Variants in ASTN2 observed in about 807,000 individuals in gnomAD.
ASTN2 encodes the protein astrotactin-2.
Under a neutral mutation model 139.8 loss-of-function variants are expected in ASTN2, and 54 were observed. The observed-to-expected ratio is 0.39, with a 90% CI of 0.31 to 0.48. ASTN2 has a LOEUF of 0.48. ASTN2 is among the 20% of genes least tolerant of loss of function. The pLI is 0.95. For synonymous variants in ASTN2, 756 were observed against 719.5 expected (o/e 1.05, Z -0.81); for missense variants, 1,565 against 1,725.1 (o/e 0.91, Z 1.64).
At chr9:117,258,738 C>T (rs1281662312) in intron 2 of ASTN2, among the ~76,000 whole-genome samples, 1 of 152,158 alleles carries the variant, frequency 6.6e-6, no homozygotes, top group African/African-American at 2.4e-5. Flanking sequence ...CTAAAACATG[C>T]TGTGCCCTTG....
intron 19 of ASTN2, among the ~76,000 whole-genome samples, chr9:116,555,522 G>A (rs944357589): frequency 1.3e-5 from 2 of 152,000 alleles, no homozygotes; most frequent in South Asian, 2.1e-4. Context: ...GACTCTGTGC[G>A]GTCCACCTCC....
chr9:116,482,039 C>T (rs1234322534), intron 20 of ASTN2, among the ~76,000 whole-genome samples: 2 of 152,154 alleles, frequency 1.3e-5, no homozygotes, highest in African/African-American at 4.8e-5. Context: ...AAAAATAACA[C>T]TACCCGGCCG....
intron 16 of ASTN2, chr9:116,686,851 T>A (rs1380642788): frequency 1.3e-6 from 2 of 1,549,382 alleles, no homozygotes; most frequent in South Asian, 2.4e-5. Context: ...GCACAGAACA[T>A]GAGGCCAAAG....
intron 2 of ASTN2, among the ~76,000 whole-genome samples, chr9:117,237,357 G>A (rs1039088963): frequency 6.6e-6 from 1 of 152,142 alleles, no homozygotes; most frequent in Admixed American, 6.5e-5. Flanking sequence ...AAGCCTTTGG[G>A]ACCTCCCCAT....
intron 4 of ASTN2, among the ~76,000 whole-genome samples, chr9:117,132,411 T>C (rs1211347150): frequency 8.4e-6 from 1 of 118,538 alleles, no homozygotes; most frequent in East Asian, 2.8e-4. Flanking sequence ...ATAGCATTAT[T>C]ACCATTCTAC....
intron 2 of ASTN2, among the ~76,000 whole-genome samples, chr9:117,239,618 A>C (rs557576805): frequency 6.6e-6 from 1 of 152,324 alleles, no homozygotes; most frequent in African/African-American, 2.4e-5. Context: ...CATTAGCCCA[A>C]GCAATGCAGA....
At chr9:116,789,920 C>CTTTTTTTTTT (rs57433960) in intron 13 of ASTN2, among the ~76,000 whole-genome samples, 2 of 93,336 alleles carry the variant, frequency 2.1e-5, no homozygotes, top group East Asian at 2.9e-4. Context: ...TTCTCTTTCT[C>CTTTTTTTTTT]TTTTTTTTTT....
chr9:117,216,872 T>G (rs981389147), intron 2 of ASTN2, among the ~76,000 whole-genome samples: 2 of 152,180 alleles, frequency 1.3e-5, no homozygotes, highest in Admixed American at 6.5e-5. Flanking sequence ...CTTAACACCT[T>G]TACTGAATGT....
chr9:116,662,265 T>C (rs911026302), intron 16 of ASTN2, among the ~76,000 whole-genome samples: 21 of 152,104 alleles, frequency 1.4e-4, no homozygotes, highest in African/African-American at 5.1e-4. Flanking sequence ...ACCGACAATA[T>C]AAAGTTGTTG....
chr9:117,053,020 G>T (rs1356872194), intron 5 of ASTN2, among the ~76,000 whole-genome samples: 3 of 152,204 alleles, frequency 2.0e-5, no homozygotes, highest in African/African-American at 7.2e-5. Context: ...CCTCTTGATA[G>T]GGTTGTCTTC....
At chr9:116,880,588 C>T (rs937038804) in intron 10 of ASTN2, among the ~76,000 whole-genome samples, 5 of 152,216 alleles carry the variant, frequency 3.3e-5, no homozygotes, top group Admixed American at 2.6e-4. Context: ...GTTTCCTCAT[C>T]TGTGAACAAG....
At chr9:117,403,214 G>C (rs2130965347) in intron 1 of ASTN2, among the ~76,000 whole-genome samples, 1 of 152,308 alleles carries the variant, frequency 6.6e-6, no homozygotes, top group African/African-American at 2.4e-5. Context: ...CTAACTTGAG[G>C]AAAGCCTGGG....
chr9:116,997,384 G>C (rs1173940395), intron 7 of ASTN2, among the ~76,000 whole-genome samples: 2 of 152,088 alleles, frequency 1.3e-5, no homozygotes, highest in Admixed American at 6.6e-5. Context: ...GAGATAAAAA[G>C]TAGTTTCCCT....
chr9:116,827,368 TAAGCAGGAG>T (rs1564289050), intron 11 of ASTN2, among the ~76,000 whole-genome samples: 1 of 145,308 alleles, frequency 6.9e-6, no homozygotes, highest in East Asian at 2.0e-4. Flanking sequence ...ACACCCAAAG[TAAGCAGGAG>T]AAAAGAAATA....
intron 1 of ASTN2, among the ~76,000 whole-genome samples, chr9:117,331,321 T>C (rs1828700447): frequency 6.6e-6 from 1 of 152,124 alleles, no homozygotes; most frequent in Non-Finnish European, 1.5e-5. Context: ...TGAAGGTCAC[T>C]AACCAATGCC....
At chr9:116,429,507 C>T (rs924261784) in intron 22 of ASTN2, among the ~76,000 whole-genome samples, 2 of 152,134 alleles carry the variant, frequency 1.3e-5, no homozygotes, top group African/African-American at 4.8e-5. Context: ...TGGCTCACCT[C>T]ATAAAGTTAT....
chr9:116,565,746 G>A (rs544426453), intron 19 of ASTN2, among the ~76,000 whole-genome samples: 10 of 152,110 alleles, frequency 6.6e-5, no homozygotes, highest in African/African-American at 1.9e-4. Flanking sequence ...GCCTCCCAAA[G>A]GGCTGGGATT....
At chr9:116,513,690 T>C (rs897773542) in intron 19 of ASTN2, among the ~76,000 whole-genome samples, 3 of 151,562 alleles carry the variant, frequency 2.0e-5, no homozygotes, top group African/African-American at 7.3e-5. Context: ...TTGGAGGCTT[T>C]GTTTGTTTCT....
At chr9:117,185,312 A>G (rs1319515148) in intron 3 of ASTN2, among the ~76,000 whole-genome samples, 1 of 152,174 alleles carries the variant, frequency 6.6e-6, no homozygotes, top group Non-Finnish European at 1.5e-5. Flanking sequence ...TTTCTTTGCT[A>G]AGCTGAGCTT....
Sources: gnomAD v4.1 joint callset for allele counts (sites outside exome capture counted in the v4.1 genomes callset) on GRCh38, gnomAD v4.1.1 for gene constraint, MANE v1.5 for transcripts, NCBI Gene and HGNC (gene_info 2026-07-23, HGNC 2026-07-21) for gene names.